The following COLQ variants were observed in gnomAD, a reference collection of about 807,000 sequenced individuals.
COLQ encodes acetylcholinesterase collagenic tail peptide.
COLQ carries 48 observed loss-of-function variants against 69.0 expected under a neutral mutation model. That is an observed-to-expected ratio of 0.70 (90% confidence interval 0.55 to 0.88). The LOEUF (loss-of-function observed/expected upper bound fraction) is 0.88. Ranked by LOEUF, COLQ falls within the 40% of genes least tolerant of loss-of-function variation. The pLI, the probability that COLQ is intolerant of heterozygous loss-of-function variation, is 0.00. For synonymous variants in COLQ, 217 were observed against 211.2 expected, an observed-to-expected ratio of 1.03 and a Z score of -0.24; for missense variants, 618 against 594.6, an observed-to-expected ratio of 1.04 and a Z score of -0.41.
At chr3:15,486,967 C>T (rs935219823) in intron 3 of COLQ, among the ~76,000 whole-genome samples, 13 of 152,176 alleles carry the variant, frequency 8.5e-5, no homozygotes, top group African/African-American at 3.1e-4. Flanking sequence ...GACAATAAAA[C>T]TTCGATGTTT....
At position 15,461,579 on chromosome 3, in the gene COLQ, C is replaced by T. The variant is rs182874116; in HGVS notation, c.815-3254G>A. Reference sequence around the variant, plus strand: ...ATTGGCTGCCTCAGTGGGAAAGGATCAGGAAAGGGGAATCTAGGAGAGGGC... The same window carrying T: ...ATTGGCTGCCTCAGTGGGAAAGGATTAGGAAAGGGGAATCTAGGAGAGGGC... On this transcript the variant is annotated intron_variant, in intron 12 of 16. Transcript: ENST00000383788. Among the ~76,000 whole-genome samples, 234 of 152,274 alleles carry T rather than the reference C, an allele frequency of 1.5e-3. 1 individual carries two copies. The highest frequency in any genetic ancestry group is 5.2e-3 in the African/African-American group (218 of 41,550).
chr3:15,491,970 A>G (rs1287544679), intron 1 of COLQ, among the ~76,000 whole-genome samples: 1 of 151,894 alleles, frequency 6.6e-6, no homozygotes, highest in Non-Finnish European at 1.5e-5. Context: ...AGGCAGAAGA[A>G]TTGCTTGAAC....
rs200691710 is a variant in COLQ, at chr3:15,513,470, GA to G, written c.106+8049del. ...GGGTAAGCAGGAAGAAGAGAGTGGT[GA>G]AAATCCCCAGGAGTTGATGGATAAA... is the stretch of plus-strand genomic sequence containing the variant. On this transcript the variant is annotated intron_variant, in intron 1 of 16. Transcript: ENST00000383788. Among the ~76,000 whole-genome samples, 577 of 152,270 alleles carry G rather than the reference GA, an allele frequency of 3.8e-3. 4 individuals carry two copies. The highest frequency in any genetic ancestry group is 0.013 in the African/African-American group (542 of 41,538).
chr3:15,453,341 G>T (rs2061975857), intron 16 of COLQ, among the ~76,000 whole-genome samples: 1 of 152,194 alleles, frequency 6.6e-6, no homozygotes, highest in African/African-American at 2.4e-5. Context: ...TGCAAAATTA[G>T]ATATTAAGGC....
intron 1 of COLQ, among the ~76,000 whole-genome samples, chr3:15,490,202 G>C (rs2062641078): frequency 6.6e-6 from 1 of 152,180 alleles, no homozygotes; most frequent in African/African-American, 2.4e-5. Context: ...CTAATCTGCA[G>C]TATCAGGAAA....
At chr3:15,461,940 T>C (rs188439743) in intron 12 of COLQ, among the ~76,000 whole-genome samples, 42 of 151,982 alleles carry the variant, frequency 2.8e-4, no homozygotes, top group Middle Eastern at 3.4e-3. Context: ...AGGAACCAAT[T>C]TGGGGGGCCT....
intron 12 of COLQ, 63 bp from the exon 13 acceptor site, chr3:15,458,388 G>T (rs951977675): frequency 2.1e-5 from 34 of 1,587,100 alleles, no homozygotes; most frequent in Non-Finnish European, 2.9e-5. Context: ...CAACCAGGGA[G>T]ATGTGAGCGA....
chr3:15,455,864 A>C (rs374437099), intron 15 of COLQ, 35 bp downstream of exon 15: 38 of 1,613,498 alleles, frequency 2.4e-5, no homozygotes, highest in Non-Finnish European at 3.0e-5. Context: ...CCTGCTGTTC[A>C]GGCCTCAGGT....
In COLQ at chr3:15,473,761, A is replaced by C; in HGVS notation, c.636+239T>G. 6.6e-6 allele frequency among the ~76,000 whole-genome samples: 1 copy of C among 152,032 alleles called. No homozygotes were observed. Among genetic ancestry groups the C allele is most frequent in the African/African-American group, 2.4e-5 (1 of 41,396 alleles). On this transcript the variant is annotated intron_variant, in intron 10 of 16. Coordinates refer to ENST00000383788, the MANE Select transcript of COLQ (RefSeq NM_005677.4). The surrounding 1 kb of genome is among the most constrained non-coding windows in gnomAD (Gnocchi z 4.0). The stretch of plus-strand genomic sequence containing the variant: ...GCAAAAAAACAAACAAACAAACAAA[A>C]ACCCAAAACCCAGATGGGTTGTCCT...
rs2062630255 is a variant in COLQ, at chr3:15,489,611, GCTT to G, written c.130_132del (p.Lys44del). On this transcript the variant is annotated inframe_deletion, in exon 2 of 17. Transcript: ENST00000383788. The stretch of plus-strand genomic sequence containing the variant: ...AGGCAGCATGCTTTGTGGCCACCAC[GCTT>G]CTTCTGATCCAGGCTGGGAAGGGCT... 6.2e-7 allele frequency: 1 copy of G among 1,614,014 alleles called. No homozygotes were observed. The highest frequency in any genetic ancestry group is 1.3e-5 in the African/African-American group (1 of 74,924).
intron 1 of COLQ, among the ~76,000 whole-genome samples, chr3:15,494,188 A>G (rs2062711723): frequency 6.6e-6 from 1 of 152,218 alleles, no homozygotes; most frequent in Non-Finnish European, 1.5e-5. Context: ...GGAAAGTCGT[A>G]GGAAACCACG....
chr3:15,457,869 G>A (rs910329551), intron 13 of COLQ, among the ~76,000 whole-genome samples: 5 of 152,012 alleles, frequency 3.3e-5, no homozygotes, highest in African/African-American at 7.2e-5. Flanking sequence ...CACCCACCTT[G>A]GCCTCCCAAA....
intron 1 of COLQ, among the ~76,000 whole-genome samples, chr3:15,501,045 C>T (rs1359226919): frequency 6.6e-6 from 1 of 152,198 alleles, no homozygotes; most frequent in Non-Finnish European, 1.5e-5. Flanking sequence ...GGTGAAGGAT[C>T]TCCCCTTTTA....
chr3:15,452,494 C>G (rs573608214), intron 16 of COLQ, among the ~76,000 whole-genome samples: 1 of 152,176 alleles, frequency 6.6e-6, no homozygotes, highest in Non-Finnish European at 1.5e-5. Flanking sequence ...CGAGACAGGG[C>G]GTTAAACCTT....
chr3:15,498,084 A>G (rs947812757), intron 1 of COLQ, among the ~76,000 whole-genome samples: 2 of 152,150 alleles, frequency 1.3e-5, no homozygotes, highest in African/African-American at 4.8e-5. Flanking sequence ...TCCACTCAAG[A>G]GTGATGGAGA....
intron 12 of COLQ, among the ~76,000 whole-genome samples, chr3:15,462,975 G>C (rs2062143244): frequency 1.3e-5 from 2 of 152,146 alleles, no homozygotes; most frequent in African/African-American, 4.8e-5. Flanking sequence ...CAAGGGAGAG[G>C]GAGGTGGGCA....
intron 3 of COLQ, among the ~76,000 whole-genome samples, chr3:15,485,056 G>A (rs1426534017): frequency 6.6e-6 from 1 of 152,182 alleles, no homozygotes; most frequent in Non-Finnish European, 1.5e-5. Context: ...TTTGATGATG[G>A]TGATGTACAG....
At chr3:15,511,677 A>G (rs1364973296) in intron 1 of COLQ, among the ~76,000 whole-genome samples, 1 of 152,132 alleles carries the variant, frequency 6.6e-6, no homozygotes, top group Non-Finnish European at 1.5e-5. Flanking sequence ...ACAGAAGGAA[A>G]ACAGATTGTT....
rs140198507 is a variant in COLQ at position 15,498,875 on chromosome 3, G to C, written c.107-9238C>G. On this transcript the variant is annotated intron_variant, in intron 1 of 16. Coordinates refer to ENST00000383788, the MANE Select transcript of COLQ (RefSeq NM_005677.4). The stretch of plus-strand genomic sequence containing the variant: ...GCCTTCAGCCCAGGGGAGGATATGA[G>C]GTTGGGAGCCCAGGGATACTTATCC... 16 of 1,367,948 alleles carry C rather than the reference G, an allele frequency of 1.2e-5. No homozygotes were observed. In the East Asian group the frequency reaches 4.7e-4, roughly 40 times the overall value. The allele number at this position is 1,367,948 out of a possible 1,614,324, so 84.7% of individuals were successfully genotyped here.
Sources: gnomAD v4.1 joint callset for allele counts (sites outside exome capture counted in the v4.1 genomes callset) on GRCh38, gnomAD v4.1.1 for gene constraint, Gnocchi (gnomAD v3.1) non-coding constraint, MANE v1.5 for transcripts, NCBI Gene and HGNC (gene_info 2026-07-23, HGNC 2026-07-21) for gene names.